Variants in CIITA observed in about 807,000 individuals in gnomAD.
The protein encoded by CIITA is MHC class II transactivator.
Under a neutral mutation model 115.1 loss-of-function variants are expected in CIITA, and 72 were observed. The observed-to-expected ratio is 0.63, with a 90% CI of 0.52 to 0.76. CIITA has a LOEUF of 0.76. Among genes scored for constraint, CIITA ranks in the 30% least tolerant of loss-of-function variants. CIITA has a pLI of 0.00. For missense variants in CIITA, 1,617 were observed against 1,463.8 expected, an observed-to-expected ratio of 1.10 and a Z score of -1.71; for synonymous variants, 763 against 635.6, an observed-to-expected ratio of 1.20 and a Z score of -3.02.
At chr16:10,872,652 A>G (rs1031102794), upstream of CIITA, among the ~76,000 whole-genome samples, 2 of 152,126 alleles carry the variant, frequency 1.3e-5, no homozygotes, top group African/African-American at 4.8e-5. Flanking sequence ...GTTCTCATAC[A>G]CCCTCCCATG....
chr16:10,911,465 C>T (rs915909728), intron 13 of CIITA, among the ~76,000 whole-genome samples: 1 of 146,914 alleles, frequency 6.8e-6, no homozygotes. Flanking sequence ...CCTTTCTCTC[C>T]TTTCTCTTTC....
At chr16:10,909,949 G>T (rs906194713) in intron 12 of CIITA, among the ~76,000 whole-genome samples, 1 of 152,110 alleles carries the variant, frequency 6.6e-6, no homozygotes, top group African/African-American at 2.4e-5. Context: ...TGCCCAGGCT[G>T]GTCTTGAACT....
chr16:10,886,921 C>T (rs1004241166), intron 1 of CIITA, among the ~76,000 whole-genome samples: 1 of 152,236 alleles, frequency 6.6e-6, no homozygotes, highest in East Asian at 1.9e-4. Flanking sequence ...TCTGGGTCTA[C>T]ATTGCAAGCC....
intron 1 of CIITA, among the ~76,000 whole-genome samples, chr16:10,883,891 A>G (rs2036662473): frequency 6.6e-6 from 1 of 152,202 alleles, no homozygotes; most frequent in Non-Finnish European, 1.5e-5. Flanking sequence ...CTAGACCTTC[A>G]CATCCCTCAT....
In CIITA at chr16:10,908,027, A is replaced by G; in HGVS notation, c.2535A>G (p.Ala845=). 1 of 1,611,112 alleles carries G rather than the reference A, an allele frequency of 6.2e-7. No homozygotes were observed. Among genetic ancestry groups the G allele is most frequent in the Non-Finnish European group, 8.5e-7 (1 of 1,177,722 alleles). Reference sequence around the variant, plus strand: ...GCACCCGCCTCACGCCTCCTGATGCACATGTACTGGGCAAGGCCTTGGAGG... The same window carrying G: ...GCACCCGCCTCACGCCTCCTGATGCGCATGTACTGGGCAAGGCCTTGGAGG... ...FLGTRLTPPD[A]HVLGKALEAA... is the part of the protein sequence containing the mutation. Residue 845 remains alanine, a synonymous_variant, in exon 11 of 20, where the codon GCA becomes GCG. Coordinates refer to ENST00000324288, the MANE Select transcript of CIITA (RefSeq NM_000246.4).
At position 10,902,723 on chromosome 16, in the gene CIITA, A is replaced by G. The variant is rs2038870550; in HGVS notation, c.694A>G (p.Thr232Ala). ...TGAGGGACCCATCCAGTTTGTCCCC[A>G]CCATCTCCACTCTGCCCCATGGGCT... The part of the protein sequence containing the change: ...LPEGPIQFVP[T>A]ISTLPHGLWQ... The change falls in exon 8 of 20, where the codon ACC becomes GCC. Residue 232 changes from threonine to alanine, a missense_variant. Coordinates refer to ENST00000324288, the MANE Select transcript of CIITA (RefSeq NM_000246.4). 1 of 1,613,996 alleles carries G rather than the reference A, an allele frequency of 6.2e-7. No homozygotes were observed. Among genetic ancestry groups the G allele is most frequent in the African/African-American group, 1.3e-5 (1 of 74,902 alleles).
chr16:10,915,631 T>A lies in CIITA; in HGVS notation c.2950T>A (p.Ser984Thr), dbSNP rs1211697355. ...PKLVRILTAFSSLQHLDLDAL... is the reference protein window; with the variant it reads ...PKLVRILTAFTSLQHLDLDAL... ...ACTGGTGCGGATCCTCACGGCCTTT[T>A]CCTCCCTGCAGCATCTGGAGTGAGT... The change falls in exon 14 of 20, where the codon TCC (serine) becomes ACC (threonine). Residue 984 changes from serine to threonine, a missense_variant. Transcript: ENST00000324288. 6.2e-7 allele frequency: 1 copy of A among 1,614,044 alleles called. No individual in the cohort carries two copies. Among genetic ancestry groups the A allele is most frequent in the East Asian group, 2.2e-5 (1 of 44,860 alleles).
In CIITA at chr16:10,895,659, T is replaced by C. The variant is rs45474796; in HGVS notation, c.200-10T>C. The C allele has an allele frequency of 9.4e-3, 15,201 of 1,614,120 alleles. 102 individuals carry two copies. Among genetic ancestry groups the C allele is most frequent in the South Asian group, 0.02 (1,816 of 91,076 alleles). On this transcript the variant is annotated splice_polypyrimidine_tract_variant and intron_variant, in intron 2 of 19. Coordinates refer to ENST00000324288, the MANE Select transcript of CIITA (RefSeq NM_000246.4). Reference sequence around the variant, plus strand: ...ATTTCCTTCTTCATCCAAGGGACTTTTCCTCCCAGAACCCGACACAGACAC... The same window carrying C: ...ATTTCCTTCTTCATCCAAGGGACTTCTCCTCCCAGAACCCGACACAGACAC...
chr16:10,904,602 T>C (rs764161681), intron 9 of CIITA, 142 bp from the exon 10 acceptor site: 1 of 805,506 alleles, frequency 1.2e-6, no homozygotes, highest in East Asian at 2.5e-5. Flanking sequence ...TTGAGTTAGA[T>C]ACAGCCTCAG....
chr16:10,922,143 C>A, intron 16 of CIITA, 24 bp from the exon 17 acceptor site: 2 of 1,609,744 alleles, frequency 1.2e-6, no homozygotes, highest in Non-Finnish European at 1.7e-6. Context: ...TCCAATCCCT[C>A]CCCCTGGCCT....
chr16:10,915,291 C>T (rs1049893995), intron 13 of CIITA, among the ~76,000 whole-genome samples: 4 of 152,078 alleles, frequency 2.6e-5, no homozygotes, highest in African/African-American at 9.7e-5. Flanking sequence ...CTCAAGCAGT[C>T]CTCTTACCTT....
rs935299579 is a variant in CIITA, at chr16:10,906,891, G to C, written c.1399G>C (p.Asp467His). 3.1e-6 allele frequency: 5 copies of C among 1,613,514 alleles called. No homozygotes were observed. Among genetic ancestry groups the C allele is most frequent in the South Asian group, 1.1e-5 (1 of 91,090 alleles). Residue 467 changes from aspartate to histidine, a missense_variant, in exon 11 of 20, where the codon GAT (aspartate) becomes CAT (histidine). Physicochemically the swap from Asp to His is moderately conservative, Grantham distance 81. Coordinates refer to ENST00000324288, the MANE Select transcript of CIITA (RefSeq NM_000246.4). ...NRPGDAYGLQ[D>H]LLFSLGPQPL... is the part of the protein sequence containing the mutation. Reference sequence around the variant, plus strand: ...TCCGGGGGATGCCTATGGCCTGCAGGATCTGCTCTTCTCCCTGGGCCCACA... The same window carrying C: ...TCCGGGGGATGCCTATGGCCTGCAGCATCTGCTCTTCTCCCTGGGCCCACA...
At chr16:10,885,192 A>T (rs1209714112) in intron 1 of CIITA, among the ~76,000 whole-genome samples, 1 of 152,204 alleles carries the variant, frequency 6.6e-6, no homozygotes, top group Non-Finnish European at 1.5e-5. Context: ...GACTGGATTC[A>T]ACTTTTGATT....
chr16:10,878,156 G>A (rs2036024731), intron 1 of CIITA, among the ~76,000 whole-genome samples: 1 of 152,104 alleles, frequency 6.6e-6, no homozygotes, highest in Non-Finnish European at 1.5e-5. Flanking sequence ...AATTTTATTG[G>A]CATTGCTGTT....
Position 10,906,813 on chromosome 16 carries a change from C to T in CIITA, c.1321C>T (p.Arg441Trp), listed in dbSNP as rs1430455427. The T allele has an allele frequency of 8.1e-6, 13 of 1,612,572 alleles. No individual in the cohort carries two copies. Among genetic ancestry groups the T allele is most frequent in the African/African-American group, 4.0e-5 (3 of 74,936 alleles). Residue 441 changes from arginine to tryptophan, a missense_variant, in exon 11 of 20, where the codon CGG (arginine) becomes TGG (tryptophan). By Grantham distance (101) the Arg-to-Trp change is moderately radical. Coordinates refer to ENST00000324288, the MANE Select transcript of CIITA (RefSeq NM_000246.4). Reference protein sequence around the residue: ...GAVSRAWACGRLPQYDFVFSV... With the variant: ...GAVSRAWACGWLPQYDFVFSV... Reference sequence around the variant, plus strand: ...AGTGAGCCGGGCCTGGGCTTGTGGCCGGCTTCCCCAGTACGACTTTGTCTT... The same window carrying T: ...AGTGAGCCGGGCCTGGGCTTGTGGCTGGCTTCCCCAGTACGACTTTGTCTT...
chr16:10,911,085 C>G (rs2039529541), intron 13 of CIITA, among the ~76,000 whole-genome samples: 1 of 152,140 alleles, frequency 6.6e-6, no homozygotes, highest in Non-Finnish European at 1.5e-5. Context: ...AGGCAAGGCT[C>G]TAGGGAGTCC....
chr16:10,942,866 C>T lies in CIITA; in HGVS notation n.1992C>T, dbSNP rs1368248389. 1 of 152,224 alleles carries T rather than the reference C, an allele frequency of 6.6e-6. No homozygotes were observed. The highest frequency in any genetic ancestry group is 1.9e-4 in the East Asian group (1 of 5,202). 9.4% of individuals were successfully genotyped at this position (152,224 alleles called of 1,614,324 possible). A position where few individuals can be genotyped will look rare whatever the true frequency, so the allele number is the denominator to read the frequency against. ...TTGCCCTGGAAATTTTGGACATTCC[C>T]AAAGCGCCAATTTTCATGGTGGAGA... On this transcript the variant is annotated non_coding_transcript_exon_variant, in exon 2 of 2. Transcript: ENST00000573379. The surrounding 1 kb of genome is among the most constrained non-coding windows in gnomAD (Gnocchi z 5.0).
In CIITA at chr16:10,932,419, A is replaced by G. The variant is rs1466431886; in HGVS notation, c.*8564A>G. 1 of 152,156 alleles carries G rather than the reference A, an allele frequency of 6.6e-6. No homozygotes were observed. The highest frequency in any genetic ancestry group is 1.5e-5 in the Non-Finnish European group (1 of 68,046). 9.4% of individuals were successfully genotyped at this position (152,156 alleles called of 1,614,324 possible). The stretch of plus-strand genomic sequence containing the variant: ...TCCCTGCATTTCACATGGAGCTCAG[A>G]GAGGTTAAGCAAGCCGTGCAAGGCC... On this transcript the variant is annotated 3_prime_UTR_variant, in exon 20 of 20. Transcript: ENST00000324288.
intron 8 of CIITA, 105 bp downstream of exon 8, chr16:10,902,906 C>G (rs972800956): frequency 2.4e-5 from 33 of 1,355,920 alleles, no homozygotes; most frequent in Non-Finnish European, 3.4e-5. Context: ...GCCCTAGCAC[C>G]TTCTCATGAT....
Sources: allele counts gnomAD v4.1 joint callset (sites outside exome capture counted in the v4.1 genomes callset), GRCh38; gene constraint gnomAD v4.1.1; non-coding constraint Gnocchi (gnomAD v3.1); transcripts MANE v1.5; gene names NCBI Gene and HGNC (gene_info 2026-07-23, HGNC 2026-07-21).